Variants in DCLK2 observed in about 807,000 individuals in gnomAD.
The protein encoded by DCLK2 is doublecortin like kinase 2.
DCLK2 carries 31 observed loss-of-function variants against 78.4 expected under a neutral mutation model. The observed-to-expected ratio is 0.40, with a 90% CI of 0.30 to 0.53. The LOEUF (loss-of-function observed/expected upper bound fraction) is 0.53. Ranked by LOEUF, DCLK2 falls within the 20% of genes least tolerant of loss-of-function variation. The pLI, the probability that DCLK2 is intolerant of heterozygous loss-of-function variation, is 0.61. For synonymous variants in DCLK2, 407 were observed against 374.9 expected (o/e 1.09, Z -0.99); for missense variants, 872 against 973.7 (o/e 0.90, Z 1.39).
rs1730784713 is a variant in DCLK2, at chr4:150,100,118, GC to G, written c.422-2357del. On this transcript the variant is annotated intron_variant, in intron 1 of 15. Coordinates refer to ENST00000296550, the MANE Select transcript of DCLK2 (RefSeq NM_001040260.4). ...AGTAGAGACAGGATCTTGCTATGTT[GC>G]CCAGACCTGTCTTGAACTCCTGGCC... Among the ~76,000 whole-genome samples, 3 of 152,188 alleles carry G rather than the reference GC, an allele frequency of 2.0e-5. No homozygotes were observed. The South Asian group carries it at 6.2e-4, about 32-fold the overall frequency.
At position 150,109,580 on chromosome 4, in the gene DCLK2, G is replaced by A. The variant is rs1015356094; in HGVS notation, c.756+6768G>A. ...CCTCGATCTCCTGACATCGTGTTCC[G>A]CCCGCCTCGGCCTCCCAAAGTGCTG... On this transcript the variant is annotated intron_variant, in intron 2 of 15. Transcript: ENST00000296550. Among the ~76,000 whole-genome samples, 6 of 152,148 alleles carry A rather than the reference G, an allele frequency of 3.9e-5. No homozygotes were observed. In the East Asian group the frequency reaches 7.7e-4, roughly 20 times the overall value.
intron 15 of DCLK2, among the ~76,000 whole-genome samples, chr4:150,254,055 C>G (rs1252496288): frequency 1.3e-5 from 2 of 152,214 alleles, no homozygotes; most frequent in African/African-American, 4.8e-5. Flanking sequence ...TTGTCCTTAG[C>G]ATGCGTAAGA....
chr4:150,246,368 A>AG (rs1200716241), intron 12 of DCLK2, among the ~76,000 whole-genome samples: 1 of 152,220 alleles, frequency 6.6e-6, no homozygotes, highest in East Asian at 1.9e-4. Context: ...TTTTAATAGG[A>AG]GAGGAATGAG....
intron 2 of DCLK2, among the ~76,000 whole-genome samples, chr4:150,107,613 C>T (rs182820517): frequency 2.6e-3 from 395 of 151,966 alleles, no homozygotes; most frequent in Non-Finnish European, 4.8e-3. Flanking sequence ...TGGGCTCAAG[C>T]GATCCACTTA....
intron 2 of DCLK2, among the ~76,000 whole-genome samples, chr4:150,165,575 G>A (rs144983520): frequency 1.2e-3 from 181 of 152,330 alleles, no homozygotes; most frequent in African/African-American, 3.7e-3. Context: ...AGTGAATATC[G>A]CTGGAGGAGA....
At chr4:150,225,358 A>G (rs527272339) in intron 8 of DCLK2, among the ~76,000 whole-genome samples, 1 of 152,330 alleles carries the variant, frequency 6.6e-6, no homozygotes, top group East Asian at 1.9e-4. Flanking sequence ...CCCACTCTCT[A>G]ACTGGGGTTG....
chr4:150,253,511 T>C (rs186297940), intron 15 of DCLK2: 21 of 1,289,684 alleles, frequency 1.6e-5, no homozygotes, highest in Admixed American at 2.3e-5. Flanking sequence ...CAGAGTTTCC[T>C]TCTTTACCCC....
chr4:150,144,326 C>A (rs980912962), intron 2 of DCLK2, among the ~76,000 whole-genome samples: 1 of 152,128 alleles, frequency 6.6e-6, no homozygotes, highest in African/African-American at 2.4e-5. Context: ...CAGTACCATT[C>A]ATTGAATAGG....
At chr4:150,175,703 A>G (rs1001794654) in intron 2 of DCLK2, 1 of 151,990 alleles carries the variant, frequency 6.6e-6, no homozygotes, top group Non-Finnish European at 1.5e-5. Flanking sequence ...ATGATCATGT[A>G]ATGAATGTAT....
At chr4:150,129,682 T>A (rs1279633118) in intron 2 of DCLK2, among the ~76,000 whole-genome samples, 1 of 151,848 alleles carries the variant, frequency 6.6e-6, no homozygotes, top group Non-Finnish European at 1.5e-5. Flanking sequence ...ATTACGCCAC[T>A]GCACTTCAGG....
intron 12 of DCLK2, among the ~76,000 whole-genome samples, chr4:150,243,945 T>C (rs1333143474): frequency 6.6e-6 from 1 of 151,750 alleles, no homozygotes; most frequent in East Asian, 1.9e-4. Flanking sequence ...ATTTTTTTAA[T>C]TTATTTTTTA....
At chr4:150,210,465 C>G (rs944538521) in intron 5 of DCLK2, among the ~76,000 whole-genome samples, 2 of 152,122 alleles carry the variant, frequency 1.3e-5, no homozygotes, top group African/African-American at 4.8e-5. Flanking sequence ...CTTTCCTGCC[C>G]TCTTCACATA....
intron 12 of DCLK2, among the ~76,000 whole-genome samples, chr4:150,241,190 T>C (rs1052242026): frequency 3.3e-5 from 5 of 152,216 alleles, no homozygotes; most frequent in African/African-American, 1.2e-4. Context: ...TAATTAAGAA[T>C]AGAATTACAA....
At chr4:150,099,097 A>T (rs1031145774) in intron 1 of DCLK2, among the ~76,000 whole-genome samples, 6 of 152,180 alleles carry the variant, frequency 3.9e-5, no homozygotes, top group Admixed American at 3.9e-4. Flanking sequence ...GAAATGGGAG[A>T]CCTACAAGTT....
intron 5 of DCLK2, among the ~76,000 whole-genome samples, chr4:150,204,847 G>A (rs980990773): frequency 6.6e-6 from 1 of 151,476 alleles, no homozygotes; most frequent in Non-Finnish European, 1.5e-5. Context: ...AGCCGAGATC[G>A]CGCCGCTGCA....
chr4:150,175,977 T>C (rs575921227), intron 2 of DCLK2, among the ~76,000 whole-genome samples: 21 of 152,310 alleles, frequency 1.4e-4, no homozygotes, highest in African/African-American at 4.8e-4. Flanking sequence ...AGCCAGAGTA[T>C]CTTTAAATCG....
At chr4:150,174,988 A>G (rs1292873807) in intron 2 of DCLK2, among the ~76,000 whole-genome samples, 1 of 93,306 alleles carries the variant, frequency 1.1e-5, no homozygotes, top group Non-Finnish European at 2.0e-5. Context: ...ATGGAGTGAG[A>G]CTCCGTCGCA....
rs150434713 is a variant in DCLK2 at position 150,156,741 on chromosome 4, TTTTATTTATTTATTTATTTA to T, written c.757-36365_757-36346del. ...GTATATAGGTTTTAGGGAGTAACTA[TTTTATTTATTTATTTATTTA>T]TTTATTTATTTATTTATTTATTTAT... On this transcript the variant is annotated intron_variant, in intron 2 of 15. Transcript: ENST00000296550. Among the ~76,000 whole-genome samples, 153 of 139,426 alleles carry T rather than the reference TTTTATTTATTTATTTATTTA, an allele frequency of 1.1e-3. No individual in the cohort carries two copies. In the Middle Eastern group the frequency reaches 0.025, roughly 23 times the overall value. 91.5% of individuals were successfully genotyped at this position (139,426 alleles called of 152,430 possible).
At position 150,106,477 on chromosome 4, in the gene DCLK2, A is replaced by G. The variant is rs550858040; in HGVS notation, c.756+3665A>G. On this transcript the variant is annotated intron_variant, in intron 2 of 15. Transcript: ENST00000296550. Reference sequence around the variant, plus strand: ...TTAGATGAAGAGAAAGGAATGAGAAAGGAACTAAGATCCGTTGATAAGTTG... The same window carrying G: ...TTAGATGAAGAGAAAGGAATGAGAAGGGAACTAAGATCCGTTGATAAGTTG... Among the ~76,000 whole-genome samples the G allele has an allele frequency of 2.8e-4, 43 of 152,380 alleles. No individual in the cohort carries two copies. In the South Asian group the frequency reaches 8.7e-3, roughly 31 times the overall value.
Sources: allele counts gnomAD v4.1 joint callset (sites outside exome capture counted in the v4.1 genomes callset), GRCh38; gene constraint gnomAD v4.1.1; transcripts MANE v1.5; gene names NCBI Gene and HGNC (gene_info 2026-07-23, HGNC 2026-07-21).